USP32: variants seen among roughly 807,000 people sequenced by gnomAD.
USP32 encodes the protein ubiquitin specific peptidase 32.
USP32 carries 59 observed loss-of-function variants against 204.8 expected under a neutral mutation model. The ratio of observed to expected loss-of-function variants is 0.29; its 90% CI spans 0.23 to 0.36. The LOEUF is 0.36. Among genes scored for constraint, USP32 ranks in the 10% least tolerant of loss-of-function variants. The pLI, the probability that USP32 is intolerant of heterozygous loss-of-function variation, is 1.00. For missense variants in USP32, 1,160 were observed against 1,946.4 expected, an observed-to-expected ratio of 0.60 and a Z score of 7.60; for synonymous variants, 517 against 678.4, an observed-to-expected ratio of 0.76 and a Z score of 3.70.
In USP32 at chr17:60,187,304, T is replaced by TA. The variant is rs571281679; in HGVS notation, c.3643-1654dup. 9.2e-5 allele frequency among the ~76,000 whole-genome samples: 14 copies of TA among 152,334 alleles called. No homozygotes were observed. In the East Asian group the frequency reaches 1.9e-3, roughly 21 times the overall value. On this transcript the variant is annotated intron_variant, in intron 29 of 33. Transcript: ENST00000300896. Reference sequence around the variant, plus strand: ...AACTATCCAGGCTAAAGAGCTCATTTAAAAAGGGGAACTTAGAGGAAAATT... The same window carrying TA: ...AACTATCCAGGCTAAAGAGCTCATTTAAAAAAGGGGAACTTAGAGGAAAATT...
intron 29 of USP32, among the ~76,000 whole-genome samples, chr17:60,190,338 G>T (rs766736472): frequency 3.3e-5 from 5 of 152,118 alleles, no homozygotes; most frequent in Non-Finnish European, 7.3e-5. Flanking sequence ...CTCTGTTATA[G>T]CAACACAAAA....
At chr17:60,403,939 G>A (rs2089955885) in intron 1 of USP32, among the ~76,000 whole-genome samples, 1 of 151,800 alleles carries the variant, frequency 6.6e-6, no homozygotes, top group Admixed American at 6.6e-5. Context: ...TACTTGGGCA[G>A]CTGAAGTAAG....
At chr17:60,397,154 GAAT>G (rs2089906051) in intron 1 of USP32, among the ~76,000 whole-genome samples, 1 of 152,168 alleles carries the variant, frequency 6.6e-6, no homozygotes, top group South Asian at 2.1e-4. Flanking sequence ...AAAATGCATA[GAAT>G]AATATGGACT....
At chr17:60,370,597 C>G (rs2089417871) in intron 1 of USP32, among the ~76,000 whole-genome samples, 1 of 148,790 alleles carries the variant, frequency 6.7e-6, no homozygotes, top group Non-Finnish European at 1.5e-5. Flanking sequence ...CCTGCCTCTA[C>G]AAAAAAAAAT....
In USP32 at chr17:60,326,362, G is replaced by A. The variant is rs534778655; in HGVS notation, c.186+19119C>T. Among the ~76,000 whole-genome samples the A allele has an allele frequency of 4.6e-5, 7 of 151,828 alleles. No individual in the cohort carries two copies. The East Asian group carries it at 1.4e-3, about 29-fold the overall frequency. On this transcript the variant is annotated intron_variant, in intron 2 of 33. Coordinates refer to ENST00000300896, the MANE Select transcript of USP32 (RefSeq NM_032582.4). ...TTTCGCTCTCGTCGCCCCGGCTCGA[G>A]TGGAATGGCGCAATCTCGGCTCACT...
intron 29 of USP32, 160 bp from the exon 30 acceptor site, chr17:60,185,811 C>A: frequency 1.1e-6 from 1 of 872,202 alleles, no homozygotes; most frequent in Non-Finnish European, 1.7e-6. Flanking sequence ...CCTGTAATCC[C>A]AGCACTTTAG....
intron 2 of USP32, among the ~76,000 whole-genome samples, chr17:60,324,386 C>T (rs2088182042): frequency 1.3e-5 from 2 of 151,642 alleles, no homozygotes; most frequent in Admixed American, 6.6e-5. Flanking sequence ...TAACTTGATT[C>T]GAAAAAGACT....
intron 12 of USP32, among the ~76,000 whole-genome samples, chr17:60,228,484 GT>G (rs995230900): frequency 1.1e-4 from 17 of 149,588 alleles, no homozygotes; most frequent in Non-Finnish European, 5.9e-5. Context: ...TTTAAATTAG[GT>G]TTCTTTTTTC....
intron 1 of USP32, among the ~76,000 whole-genome samples, chr17:60,416,006 AT>A (rs2090059222): frequency 6.6e-6 from 1 of 151,848 alleles, no homozygotes; most frequent in Non-Finnish European, 1.5e-5. Flanking sequence ...CGCCCAGCTA[AT>A]TTTTGTATTT....
At chr17:60,391,861 C>A (rs1237493563) in intron 1 of USP32, 21 bp downstream of exon 1, 2 of 1,604,078 alleles carry the variant, frequency 1.2e-6, no homozygotes, top group Non-Finnish European at 1.7e-6. Context: ...AGGCAGCTCG[C>A]CCAGACCCCT....
At chr17:60,332,419 G>A (rs777683738) in intron 2 of USP32, among the ~76,000 whole-genome samples, 7 of 152,020 alleles carry the variant, frequency 4.6e-5, no homozygotes, top group Non-Finnish European at 7.4e-5. Flanking sequence ...AGGCTGAGGC[G>A]GGTGGATCAC....
In USP32 at chr17:60,310,488, G is replaced by A. The variant is rs528692525; in HGVS notation, c.187-8784C>T. Among the ~76,000 whole-genome samples, 347 of 150,988 alleles carry A rather than the reference G, an allele frequency of 2.3e-3. 4 individuals are homozygous for A. The highest frequency in any genetic ancestry group is 7.8e-3 in the African/African-American group (322 of 41,126). ...GGCTGAGGTGGGCAGATCATGAGGC[G>A]AAGAGATTAAGACCTTCCTGTCCAA... On this transcript the variant is annotated intron_variant, in intron 2 of 33. Coordinates refer to ENST00000300896, the MANE Select transcript of USP32 (RefSeq NM_032582.4).
chr17:60,369,588 CACA>C (rs1185310389), intron 1 of USP32, among the ~76,000 whole-genome samples: 1 of 151,960 alleles, frequency 6.6e-6, no homozygotes, highest in Non-Finnish European at 1.5e-5. Context: ...GAAACAGAAA[CACA>C]ACAATTGGCA....
Position 60,417,530 on chromosome 17 carries a change from TACA to T in USP32, c.106+4713_106+4715del, listed in dbSNP as rs1284870463. On this transcript the variant is annotated intron_variant, in intron 1 of 3. Transcript: ENST00000588898. The stretch of plus-strand genomic sequence containing the variant: ...GTGCAGTGCCATGATCTCGGCTCAC[TACA>T]ACATCTGCCTCCCAGGTTCAAGCGT... Among the ~76,000 whole-genome samples the T allele has an allele frequency of 4.6e-5, 7 of 150,764 alleles. No individual in the cohort carries two copies. In the South Asian group the frequency reaches 8.5e-4, roughly 18 times the overall value.
At chr17:60,195,408 G>A (rs1490118545) in intron 27 of USP32, among the ~76,000 whole-genome samples, 2 of 152,178 alleles carry the variant, frequency 1.3e-5, no homozygotes, top group African/African-American at 4.8e-5. Context: ...TGTGATCTCA[G>A]CTCACTGCAA....
chr17:60,316,568 C>T (rs764166369), intron 2 of USP32, among the ~76,000 whole-genome samples: 1 of 152,112 alleles, frequency 6.6e-6, no homozygotes, highest in African/African-American at 2.4e-5. Flanking sequence ...GGGCCAGGCA[C>T]GGTGGCTCAT....
chr17:60,266,526 T>C (rs2086595906), intron 7 of USP32, among the ~76,000 whole-genome samples: 1 of 152,222 alleles, frequency 6.6e-6, no homozygotes, highest in South Asian at 2.1e-4. Context: ...TCTCGCTCTG[T>C]CGCCCAGGCT....
intron 26 of USP32, among the ~76,000 whole-genome samples, chr17:60,198,927 A>T (rs548211872): frequency 1.3e-5 from 2 of 152,278 alleles, no homozygotes; most frequent in South Asian, 4.1e-4. Flanking sequence ...CAGAATGGGC[A>T]ATGTAGGGAG....
chr17:60,204,693 T>C (rs1266704058), intron 26 of USP32, among the ~76,000 whole-genome samples: 1 of 152,100 alleles, frequency 6.6e-6, no homozygotes, highest in Non-Finnish European at 1.5e-5. Context: ...GTTCTCAAAC[T>C]CCTGACTTCA....
Sources: allele counts gnomAD v4.1 joint callset (sites outside exome capture counted in the v4.1 genomes callset), GRCh38; gene constraint gnomAD v4.1.1; transcripts MANE v1.5; gene names NCBI Gene and HGNC (gene_info 2026-07-23, HGNC 2026-07-21).